Variants in TP63 observed in about 807,000 individuals in gnomAD.
The protein encoded by TP63 is tumor protein 63.
In TP63, 17 loss-of-function variants were observed where a neutral mutation model predicts 82.8. The observed-to-expected ratio is 0.21, with a 90% confidence interval of 0.14 to 0.31. The LOEUF (loss-of-function observed/expected upper bound fraction) is 0.31. TP63 is among the 10% of genes least tolerant of loss of function. The pLI, the probability that TP63 is intolerant of heterozygous loss-of-function variation, is 1.00. For missense variants in TP63, 648 were observed against 895.3 expected (o/e 0.72, Z 3.52); for synonymous variants, 330 against 321.7 (o/e 1.03, Z -0.28).
chr3:189,885,647 G>A (rs1473532975), intron 10 of TP63, among the ~76,000 whole-genome samples: 1 of 152,188 alleles, frequency 6.6e-6, no homozygotes, highest in African/African-American at 2.4e-5. Flanking sequence ...ATGAGTTCTG[G>A]TAACTTTCCA....
At chr3:189,809,641 C>T (rs1727312759) in intron 4 of TP63, among the ~76,000 whole-genome samples, 1 of 152,170 alleles carries the variant, frequency 6.6e-6, no homozygotes, top group South Asian at 2.1e-4. Context: ...TTTTTTCCCT[C>T]TTTGACAAAT....
intron 1 of TP63, among the ~76,000 whole-genome samples, chr3:189,647,657 C>T (rs927934706): frequency 2.7e-5 from 4 of 146,480 alleles, no homozygotes; most frequent in African/African-American, 5.1e-5. Flanking sequence ...CTATAAGATA[C>T]GCAAGCTGTC....
At chr3:189,704,943 C>T (rs1458315667) in intron 1 of TP63, among the ~76,000 whole-genome samples, 2 of 152,172 alleles carry the variant, frequency 1.3e-5, no homozygotes, top group Non-Finnish European at 2.9e-5. Flanking sequence ...GGTGGTTTAT[C>T]ACTTCCTTTC....
At chr3:189,870,683 A>G (rs1226761567) in intron 9 of TP63, among the ~76,000 whole-genome samples, 1 of 152,176 alleles carries the variant, frequency 6.6e-6, no homozygotes, top group Non-Finnish European at 1.5e-5. Flanking sequence ...CACTAATGAG[A>G]TCACTTTATT....
intron 3 of TP63, among the ~76,000 whole-genome samples, chr3:189,786,201 TTTTCATACAGACATAC>T: frequency 6.6e-6 from 1 of 151,968 alleles, no homozygotes; most frequent in South Asian, 2.1e-4. Context: ...TTTCCTTTGT[TTTTCATACAGACATAC>T]ATTCTGGAAA....
chr3:189,747,844 C>A (rs1174240785), intron 3 of TP63, among the ~76,000 whole-genome samples: 1 of 127,544 alleles, frequency 7.8e-6, no homozygotes, highest in Non-Finnish European at 1.6e-5. Flanking sequence ...ACTAGACTAA[C>A]CCAGATAAAA....
At chr3:189,684,985 T>C (rs1428625750) in intron 1 of TP63, among the ~76,000 whole-genome samples, 1 of 152,030 alleles carries the variant, frequency 6.6e-6, no homozygotes, top group Admixed American at 6.6e-5. Flanking sequence ...CAAATACATA[T>C]AGAGTAGAAT....
chr3:189,772,281 T>C lies in TP63; in HGVS notation c.324+33507T>C, dbSNP rs114526044. On this transcript the variant is annotated intron_variant, in intron 3 of 13. Coordinates refer to ENST00000264731, the MANE Select transcript of TP63 (RefSeq NM_003722.5). ...TAGAGATCACGTACTAGCTAGCTAA[T>C]GCTCTTTACCAATAAGGACACTGAA... 9.7e-3 allele frequency among the ~76,000 whole-genome samples: 1,478 copies of C among 152,356 alleles called. 18 individuals are homozygous for C. The highest frequency in any genetic ancestry group is 0.033 in the African/African-American group (1,352 of 41,582).
intron 4 of TP63, among the ~76,000 whole-genome samples, chr3:189,821,170 T>C (rs976716450): frequency 2.0e-5 from 3 of 152,266 alleles, no homozygotes; most frequent in Non-Finnish European, 4.4e-5. Flanking sequence ...GCAGTGGTTT[T>C]ATTTTGGTAG....
chr3:189,714,097 T>G (rs1718787747), intron 1 of TP63, among the ~76,000 whole-genome samples: 1 of 152,136 alleles, frequency 6.6e-6, no homozygotes, highest in African/African-American at 2.4e-5. Flanking sequence ...AGATCCTCAG[T>G]GCCAAATGAT....
intron 3 of TP63, among the ~76,000 whole-genome samples, chr3:189,781,370 G>A (rs1480628375): frequency 1.3e-5 from 2 of 152,120 alleles, no homozygotes; most frequent in Non-Finnish European, 2.9e-5. Flanking sequence ...ATTCACAGGT[G>A]GGATTATCCA....
intron 10 of TP63, among the ~76,000 whole-genome samples, chr3:189,879,015 G>A (rs752645095): frequency 2.0e-5 from 3 of 152,192 alleles, no homozygotes; most frequent in Non-Finnish European, 2.9e-5. Context: ...AAAACTCAAT[G>A]ATTAATTAAA....
intron 1 of TP63, among the ~76,000 whole-genome samples, chr3:189,663,170 C>T (rs1714075457): frequency 6.6e-6 from 1 of 152,036 alleles, no homozygotes; most frequent in Non-Finnish European, 1.5e-5. Flanking sequence ...GAAGATGGTG[C>T]TCTGACTACT....
chr3:189,814,305 G>A (rs568598937), intron 4 of TP63, among the ~76,000 whole-genome samples: 1 of 152,264 alleles, frequency 6.6e-6, no homozygotes, highest in Admixed American at 6.5e-5. Flanking sequence ...ATGGTAAATA[G>A]GATTTATCAG....
intron 3 of TP63, among the ~76,000 whole-genome samples, chr3:189,797,528 T>C (rs1209706545): frequency 2.0e-5 from 3 of 152,080 alleles, no homozygotes; most frequent in Non-Finnish European, 2.9e-5. Context: ...CAGTCTGGAT[T>C]AGTGTCACTC....
intron 1 of TP63, among the ~76,000 whole-genome samples, chr3:189,675,075 C>T (rs972129785): frequency 1.3e-5 from 2 of 152,122 alleles, no homozygotes; most frequent in Non-Finnish European, 2.9e-5. Context: ...GGCACTAGCA[C>T]GTTTGGTGTC....
At chr3:189,637,558 A>G (rs1490129075) in intron 1 of TP63, among the ~76,000 whole-genome samples, 2 of 152,184 alleles carry the variant, frequency 1.3e-5, no homozygotes, top group Non-Finnish European at 2.9e-5. Context: ...ACAGCAAAAT[A>G]GTAACAGAAC....
At chr3:189,738,899 G>T (rs1344501103) in intron 3 of TP63, 125 bp downstream of exon 3, 1 of 1,389,546 alleles carries the variant, frequency 7.2e-7, no homozygotes, top group Non-Finnish European at 9.9e-7. Flanking sequence ...TGGGAAGAGA[G>T]TCTATGTTGT....
At chr3:189,768,117 C>A (rs551405509) in intron 3 of TP63, among the ~76,000 whole-genome samples, 1 of 152,210 alleles carries the variant, frequency 6.6e-6, no homozygotes, top group East Asian at 1.9e-4. Flanking sequence ...GAATAACTAA[C>A]CATCTCTAGG....
Sources: gnomAD v4.1 joint callset for allele counts (sites outside exome capture counted in the v4.1 genomes callset) on GRCh38, gnomAD v4.1.1 for gene constraint, MANE v1.5 for transcripts, NCBI Gene and HGNC (gene_info 2026-07-23, HGNC 2026-07-21) for gene names.